Variants in EPSTI1 observed in about 807,000 individuals in gnomAD.
EPSTI1 encodes the protein epithelial-stromal interaction protein 1.
Under a neutral mutation model 49.9 loss-of-function variants are expected in EPSTI1, and 66 were observed. The ratio of observed to expected loss-of-function variants is 1.32; its 90% CI spans 1.08 to 1.62. The LOEUF is 1.62. Among genes scored for constraint, EPSTI1 ranks in the 40% most tolerant of loss-of-function variants. EPSTI1 has a pLI of 0.00. For synonymous variants in EPSTI1, 137 were observed against 130.7 expected (o/e 1.05, Z -0.33); for missense variants, 394 against 365.5 (o/e 1.08, Z -0.64).
chr13:42,899,483 A>C (rs1172293372), intron 9 of EPSTI1, among the ~76,000 whole-genome samples: 1 of 152,244 alleles, frequency 6.6e-6, no homozygotes, highest in Non-Finnish European at 1.5e-5. Flanking sequence ...CCATCAGAAC[A>C]GGGAGCTTCC....
chr13:42,950,054 A>G (rs927874593), intron 6 of EPSTI1, among the ~76,000 whole-genome samples: 8 of 152,238 alleles, frequency 5.3e-5, no homozygotes, highest in Non-Finnish European at 7.3e-5. Flanking sequence ...GTAAATAATT[A>G]CAGAGACTAA....
chr13:42,901,587 C>T (rs939939429), intron 8 of EPSTI1, among the ~76,000 whole-genome samples: 1 of 152,140 alleles, frequency 6.6e-6, no homozygotes, highest in Non-Finnish European at 1.5e-5. Flanking sequence ...CACTCTTGCA[C>T]AATAGGATCA....
chr13:42,939,194 T>C (rs2038669216), intron 6 of EPSTI1, among the ~76,000 whole-genome samples: 1 of 152,242 alleles, frequency 6.6e-6, no homozygotes, highest in Admixed American at 6.5e-5. Flanking sequence ...ATGTTTTGGC[T>C]GGTCTGATCT....
intron 8 of EPSTI1, among the ~76,000 whole-genome samples, chr13:42,902,032 C>T (rs1350630179): frequency 6.8e-6 from 1 of 146,702 alleles, no homozygotes; most frequent in Admixed American, 7.3e-5. Context: ...GTTTTTTGTT[C>T]TTGCGATAGT....
chr13:42,900,228 C>T (rs963884475), intron 9 of EPSTI1, 82 bp downstream of exon 9: 9 of 1,204,774 alleles, frequency 7.5e-6, no homozygotes, highest in East Asian at 7.1e-5. Context: ...ATAATGTTAT[C>T]GTAATGCTTT....
At chr13:42,918,375 G>C (rs988492467) in intron 7 of EPSTI1, among the ~76,000 whole-genome samples, 11 of 152,150 alleles carry the variant, frequency 7.2e-5, no homozygotes, top group African/African-American at 2.7e-4. Flanking sequence ...TGCAGCCCCA[G>C]CTTCTGTAAG....
chr13:42,914,778 A>G (rs9533301), intron 8 of EPSTI1, among the ~76,000 whole-genome samples: 21,653 of 152,216 alleles, frequency 0.14, 1,922 homozygotes, highest in East Asian at 0.29. Flanking sequence ...GTGCTCTATC[A>G]TCTTCTTCAT....
At chr13:42,933,312 T>TG (rs2038441785) in intron 6 of EPSTI1, among the ~76,000 whole-genome samples, 1 of 77,346 alleles carries the variant, frequency 1.3e-5, no homozygotes, top group East Asian at 3.5e-4. Context: ...ACATAAAAAG[T>TG]AAAAAAAAAA....
intron 1 of EPSTI1, among the ~76,000 whole-genome samples, chr13:42,979,779 C>T (rs2039955550): frequency 6.6e-6 from 1 of 152,016 alleles, no homozygotes; most frequent in East Asian, 1.9e-4. Flanking sequence ...AATATTTTAG[C>T]ATGTATCTCC....
intron 4 of EPSTI1, chr13:42,963,614 G>C (rs1460522620): frequency 4.7e-6 from 2 of 425,862 alleles, no homozygotes; most frequent in Non-Finnish European, 4.1e-6. Context: ...GTGTATGTGT[G>C]TGTGGTGTGT....
At chr13:42,917,654 A>AAC (rs774310475) in intron 7 of EPSTI1, 30 bp from the exon 8 acceptor site, 5 of 1,443,666 alleles carry the variant, frequency 3.5e-6, no homozygotes, top group Non-Finnish European at 4.7e-6. Flanking sequence ...AAAAAAAAAA[A>AAC]AAAAACAACT....
In EPSTI1 at chr13:42,888,218, C is replaced by A. The variant is rs762895487; in HGVS notation, c.*276G>T. The A allele has an allele frequency of 1.7e-5, 28 of 1,607,782 alleles. No individual in the cohort carries two copies. In the East Asian group the frequency reaches 6.3e-4, roughly 36 times the overall value. Reference sequence around the variant, plus strand: ...CATCAAGTGACTCCCTCTTTTTCTACCCTACCAACATCACTCTAATTATAC... The same window carrying A: ...CATCAAGTGACTCCCTCTTTTTCTAACCTACCAACATCACTCTAATTATAC... On this transcript the variant is annotated 3_prime_UTR_variant, in exon 11 of 11. Coordinates refer to ENST00000313624, the MANE Select transcript of EPSTI1 (RefSeq NM_033255.5).
intron 1 of EPSTI1, among the ~76,000 whole-genome samples, chr13:42,978,184 G>A (rs186074817): frequency 1.3e-5 from 2 of 151,892 alleles, no homozygotes; most frequent in Non-Finnish European, 2.9e-5. Flanking sequence ...TTTTGCCAAG[G>A]TTGAGGACGC....
chr13:42,936,148 A>T (rs547556625), intron 6 of EPSTI1, among the ~76,000 whole-genome samples: 14 of 152,214 alleles, frequency 9.2e-5, no homozygotes, highest in African/African-American at 3.4e-4. Context: ...GAACTTATTC[A>T]TATATTCTTT....
At chr13:42,970,255 C>T in intron 2 of EPSTI1, 1 of 166,392 alleles carries the variant, frequency 6.0e-6, no homozygotes, top group East Asian at 1.6e-4. Flanking sequence ...TTTATATTTA[C>T]TGTACATCAA....
At chr13:42,894,739 C>A (rs1008366220) in intron 10 of EPSTI1, among the ~76,000 whole-genome samples, 7 of 150,254 alleles carry the variant, frequency 4.7e-5, no homozygotes, top group Non-Finnish European at 7.4e-5. Flanking sequence ...TGATAAAAAC[C>A]CTTAAAGTCC....
chr13:42,896,650 C>A (rs1375041408), intron 9 of EPSTI1, among the ~76,000 whole-genome samples: 2 of 152,202 alleles, frequency 1.3e-5, no homozygotes, highest in African/African-American at 4.8e-5. Flanking sequence ...CATACAACAA[C>A]CTTACTAGAT....
intron 8 of EPSTI1, among the ~76,000 whole-genome samples, chr13:42,908,484 G>GAAAAAAAAAAA (rs140923122): frequency 8.8e-6 from 1 of 113,352 alleles, no homozygotes. Context: ...ACTCTGTTAT[G>GAAAAAAAAAAA]AAAAAAAAAA....
intron 6 of EPSTI1, among the ~76,000 whole-genome samples, chr13:42,938,128 G>GCAGTA: frequency 6.6e-6 from 1 of 151,344 alleles, no homozygotes; most frequent in Non-Finnish European, 1.5e-5. Flanking sequence ...TTGATATTTG[G>GCAGTA]TTTAGAAATA....
Sources: gnomAD v4.1 joint callset for allele counts (sites outside exome capture counted in the v4.1 genomes callset) on GRCh38, gnomAD v4.1.1 for gene constraint, MANE v1.5 for transcripts, NCBI Gene and HGNC (gene_info 2026-07-23, HGNC 2026-07-21) for gene names.